Variants in LRRC37A2 observed in about 807,000 individuals in gnomAD.
LRRC37A2 encodes leucine-rich repeat-containing protein 37A2.
A neutral mutation model predicts 68.8 loss-of-function variants in LRRC37A2; 9 were observed. The observed-to-expected ratio is 0.13, with a 90% CI of 0.08 to 0.23. The LOEUF (loss-of-function observed/expected upper bound fraction) is 0.23. Among genes scored for constraint, LRRC37A2 ranks in the 10% least tolerant of loss-of-function variants. LRRC37A2 has a pLI of 1.00. For synonymous variants in LRRC37A2, 63 were observed against 367.6 expected (o/e 0.17, Z 9.48); for missense variants, 168 against 950.4 (o/e 0.18, Z 10.82).
At chr17:46,958,704 C>T in the LRRC37A2 span, among the ~76,000 whole-genome samples, 4 of 152,352 alleles carry the variant, frequency 2.6e-5, no homozygotes, top group East Asian at 7.7e-4. Flanking sequence ...CTCCAGAGGT[C>T]CTCACAGGGG....
At chr17:46,770,011 C>T in the LRRC37A2 span, 5 of 1,587,980 alleles carry the variant, frequency 3.1e-6, no homozygotes, top group Non-Finnish European at 3.4e-6. Flanking sequence ...CCACGCCGGC[C>T]GAGGCGATGG....
At chr17:46,862,324 G>T in the LRRC37A2 span, among the ~76,000 whole-genome samples, 1 of 152,162 alleles carries the variant, frequency 6.6e-6, no homozygotes, top group Admixed American at 6.5e-5. Context: ...CCTCTAGCAA[G>T]ATCTGGGGCA....
chr17:46,767,550 C>A, the LRRC37A2 span, among the ~76,000 whole-genome samples: 2 of 152,132 alleles, frequency 1.3e-5, no homozygotes, highest in African/African-American at 4.8e-5. Flanking sequence ...ACCACCATCA[C>A]CACTTTATAG....
the LRRC37A2 span, among the ~76,000 whole-genome samples, chr17:46,867,738 G>A: frequency 6.6e-6 from 1 of 152,220 alleles, no homozygotes; most frequent in Admixed American, 6.5e-5. Flanking sequence ...TGGGGAAGGA[G>A]GTTCCAGGAG....
At chr17:46,863,255 G>A in the LRRC37A2 span, among the ~76,000 whole-genome samples, 1 of 152,246 alleles carries the variant, frequency 6.6e-6, no homozygotes, top group African/African-American at 2.4e-5. Flanking sequence ...CCAGCAGGGT[G>A]GGACTGCAGG....
the LRRC37A2 span, among the ~76,000 whole-genome samples, chr17:46,727,832 T>C: frequency 2.0e-5 from 3 of 152,192 alleles, no homozygotes; most frequent in Non-Finnish European, 4.4e-5. Context: ...TGAATAGTTA[T>C]CATCTGTGCA....
chr17:46,558,836 C>CTTTTTTTTTT (rs765462293), downstream of LRRC37A2: 3 of 71,814 alleles, frequency 4.2e-5, no homozygotes, highest in African/African-American at 6.6e-5. Flanking sequence ...CTCTTTTATT[C>CTTTTTTTTTT]TTTTTTTTTT....
the LRRC37A2 span, among the ~76,000 whole-genome samples, chr17:47,034,384 T>C: frequency 6.6e-6 from 1 of 152,066 alleles, no homozygotes; most frequent in East Asian, 1.9e-4. Context: ...TGGCCCTACA[T>C]TTTGATTTCA....
the LRRC37A2 span, chr17:46,755,475 T>C: frequency 3.8e-5 from 38 of 1,003,120 alleles, no homozygotes; most frequent in South Asian, 3.8e-4. Context: ...TTTCCATTTA[T>C]TTGAATTCTT....
the LRRC37A2 span, among the ~76,000 whole-genome samples, chr17:46,879,804 C>G: frequency 6.6e-6 from 1 of 152,188 alleles, no homozygotes; most frequent in Non-Finnish European, 1.5e-5. Context: ...GTGATCCCAG[C>G]CTTTTGGATC....
chr17:46,825,457 G>A, the LRRC37A2 span, among the ~76,000 whole-genome samples: 17 of 152,270 alleles, frequency 1.1e-4, no homozygotes, highest in African/African-American at 3.9e-4. Context: ...CATGCCTGCT[G>A]TGGACAAGGC....
At chr17:46,609,823 G>A in the LRRC37A2 span, among the ~76,000 whole-genome samples, 1 of 128,770 alleles carries the variant, frequency 7.8e-6, no homozygotes. Flanking sequence ...GTGTCTCACT[G>A]TTTCTTTTTT....
chr17:46,492,564 T>C, the LRRC37A2 span, among the ~76,000 whole-genome samples: 1 of 150,476 alleles, frequency 6.6e-6, no homozygotes, highest in Non-Finnish European at 1.5e-5. Context: ...TGTATGTTTA[T>C]AAGAAACTGC....
chr17:47,000,775 G>A, the LRRC37A2 span, among the ~76,000 whole-genome samples: 3 of 152,140 alleles, frequency 2.0e-5, no homozygotes, highest in Non-Finnish European at 4.4e-5. Context: ...AAGTCACCTT[G>A]AGAACCACAA....
At chr17:46,595,603 C>A in the LRRC37A2 span, among the ~76,000 whole-genome samples, 1 of 130,970 alleles carries the variant, frequency 7.6e-6, no homozygotes, top group Non-Finnish European at 1.5e-5. Flanking sequence ...GCGATTCTCC[C>A]GCCTCAGCCT....
chr17:46,781,702 A>G, the LRRC37A2 span, among the ~76,000 whole-genome samples: 3 of 152,216 alleles, frequency 2.0e-5, no homozygotes, highest in Non-Finnish European at 4.4e-5. Context: ...ACTGAATAGT[A>G]CACTTTAAAA....
At chr17:46,530,246 A>AG (rs1196880637) in intron 6 of LRRC37A2, among the ~76,000 whole-genome samples, 1 of 110,756 alleles carries the variant, frequency 9.0e-6, no homozygotes, top group Non-Finnish European at 1.9e-5. Context: ...TATAGAATGA[A>AG]GGGGTAGCCG....
chr17:46,887,262 A>G, the LRRC37A2 span, among the ~76,000 whole-genome samples: 1 of 152,200 alleles, frequency 6.6e-6, no homozygotes, highest in Admixed American at 6.5e-5. Flanking sequence ...TTTAAAAATT[A>G]AGCCTAAAAA....
chr17:47,008,388 G>A, the LRRC37A2 span, among the ~76,000 whole-genome samples: 1 of 152,118 alleles, frequency 6.6e-6, no homozygotes, highest in African/African-American at 2.4e-5. Flanking sequence ...TGGGATTACA[G>A]GTGTGAGCCA....
Sources: gnomAD v4.1 joint callset for allele counts (sites outside exome capture counted in the v4.1 genomes callset) on GRCh38, gnomAD v4.1.1 for gene constraint, MANE v1.5 for transcripts, NCBI Gene and HGNC (gene_info 2026-07-23, HGNC 2026-07-21) for gene names.